RIT2: variants seen among roughly 807,000 people sequenced by gnomAD.
RIT2 encodes the protein Ras like without CAAX 2.
A neutral mutation model predicts 23.7 loss-of-function variants in RIT2; 24 were observed. The ratio of observed to expected loss-of-function variants is 1.01; its 90% CI spans 0.73 to 1.43. The LOEUF is 1.43. Among genes scored for constraint, RIT2 ranks in the 40% most tolerant of loss-of-function variants. The pLI, the probability that RIT2 is intolerant of heterozygous loss-of-function variation, is 0.00. For synonymous variants in RIT2, 107 were observed against 91.1 expected, an observed-to-expected ratio of 1.17 and a Z score of -0.99; for missense variants, 236 against 266.9, an observed-to-expected ratio of 0.88 and a Z score of 0.81.
chr18:43,046,368 A>T (rs1006182752), intron 1 of RIT2, among the ~76,000 whole-genome samples: 2 of 152,246 alleles, frequency 1.3e-5, no homozygotes, highest in Admixed American at 1.3e-4. Context: ...TTGTTGGTCC[A>T]CTAGGCTGGA....
At chr18:42,925,491 CAAT>C (rs963165808) in intron 3 of RIT2, among the ~76,000 whole-genome samples, 11 of 151,732 alleles carry the variant, frequency 7.2e-5, no homozygotes, top group Admixed American at 7.2e-4. Flanking sequence ...ATGATTAAAA[CAAT>C]AATAAAAATG....
intron 4 of RIT2, among the ~76,000 whole-genome samples, chr18:42,905,486 T>G (rs935266876): frequency 6.6e-6 from 1 of 152,170 alleles, no homozygotes; most frequent in Non-Finnish European, 1.5e-5. Flanking sequence ...GTTTGTTTGT[T>G]TTTTGAGACG....
At chr18:43,091,075 A>T (rs1053730210) in intron 1 of RIT2, among the ~76,000 whole-genome samples, 1 of 152,042 alleles carries the variant, frequency 6.6e-6, no homozygotes, top group Non-Finnish European at 1.5e-5. Context: ...AAAATTCTTT[A>T]AATAAATTAG....
intron 3 of RIT2, among the ~76,000 whole-genome samples, chr18:42,939,657 T>A (rs1488984169): frequency 6.6e-6 from 1 of 151,220 alleles, no homozygotes; most frequent in Non-Finnish European, 1.5e-5. Flanking sequence ...AGTCAAAATA[T>A]GCCTATAAAG....
At chr18:42,796,187 T>C (rs991573778) in intron 4 of RIT2, among the ~76,000 whole-genome samples, 1 of 152,056 alleles carries the variant, frequency 6.6e-6, no homozygotes, top group Admixed American at 6.5e-5. Flanking sequence ...ACGGCGAAGG[T>C]CTGCAGCTTC....
chr18:42,884,695 G>T (rs1907976315), intron 4 of RIT2, among the ~76,000 whole-genome samples: 1 of 152,106 alleles, frequency 6.6e-6, no homozygotes, highest in Non-Finnish European at 1.5e-5. Context: ...TTTGTCAGTT[G>T]AGCAAAATGC....
chr18:42,903,536 AT>A (rs1407976688), intron 4 of RIT2, among the ~76,000 whole-genome samples: 1 of 152,114 alleles, frequency 6.6e-6, no homozygotes, highest in Non-Finnish European at 1.5e-5. Context: ...CACAATTTTT[AT>A]GCTATTTAGA....
chr18:42,885,779 G>T (rs1340180852), intron 4 of RIT2, among the ~76,000 whole-genome samples: 1 of 152,102 alleles, frequency 6.6e-6, no homozygotes, highest in Non-Finnish European at 1.5e-5. Flanking sequence ...AGACATTTTT[G>T]AAAGGTTTAA....
chr18:42,789,929 C>T lies in RIT2; in HGVS notation c.427-46209G>A, dbSNP rs113635382. Among the ~76,000 whole-genome samples, 420 of 152,238 alleles carry T rather than the reference C, an allele frequency of 2.8e-3. 5 individuals are homozygous for T. Among genetic ancestry groups the T allele is most frequent in the African/African-American group, 9.7e-3 (402 of 41,564 alleles). On this transcript the variant is annotated intron_variant, in intron 4 of 4. Coordinates refer to ENST00000326695, the MANE Select transcript of RIT2 (RefSeq NM_002930.4). ...TTTAGAGGGAATGCTTTCAACTTTT[C>T]CCATTCAATGTGATAATGGCTATGT...
At chr18:43,102,785 C>T (rs988673699) in intron 1 of RIT2, among the ~76,000 whole-genome samples, 2 of 151,978 alleles carry the variant, frequency 1.3e-5, no homozygotes, top group Admixed American at 6.6e-5. Flanking sequence ...TCCTGAGTAG[C>T]TGGGACTACA....
intron 1 of RIT2, among the ~76,000 whole-genome samples, chr18:43,092,688 A>G (rs145343769): frequency 6.6e-6 from 1 of 152,216 alleles, no homozygotes; most frequent in Non-Finnish European, 1.5e-5. Context: ...ACAGAAGCTC[A>G]GCTTGAAGGC....
chr18:42,831,092 T>C (rs1906444616), intron 4 of RIT2, among the ~76,000 whole-genome samples: 1 of 152,212 alleles, frequency 6.6e-6, no homozygotes, highest in East Asian at 1.9e-4. Flanking sequence ...AAATTACTTT[T>C]GCCTGCTGAG....
chr18:42,890,519 T>G, intron 4 of RIT2, among the ~76,000 whole-genome samples: 2 of 141,660 alleles, frequency 1.4e-5, no homozygotes, highest in Admixed American at 7.1e-5. Flanking sequence ...GAGGAAGAGA[T>G]GGAAGGAAGG....
At chr18:42,840,415 A>G (rs537179523) in intron 4 of RIT2, among the ~76,000 whole-genome samples, 2 of 152,380 alleles carry the variant, frequency 1.3e-5, no homozygotes, top group South Asian at 4.1e-4. Flanking sequence ...CTATATGGCA[A>G]TACTTACTGT....
intron 1 of RIT2, among the ~76,000 whole-genome samples, chr18:43,109,690 A>T (rs1427718806): frequency 3.3e-5 from 5 of 152,192 alleles, no homozygotes; most frequent in African/African-American, 7.2e-5. Flanking sequence ...GTTTTGTATT[A>T]CACATTACAG....
chr18:43,074,923 G>T (rs1194383087), intron 1 of RIT2, among the ~76,000 whole-genome samples: 1 of 152,100 alleles, frequency 6.6e-6, no homozygotes, highest in African/African-American at 2.4e-5. Context: ...GGAGAGCATC[G>T]GGAAAAATAG....
At chr18:42,827,610 T>C (rs981286840) in intron 4 of RIT2, among the ~76,000 whole-genome samples, 4 of 151,926 alleles carry the variant, frequency 2.6e-5, no homozygotes, top group African/African-American at 7.2e-5. Flanking sequence ...AGAAAAATAA[T>C]ATGGCAAAAT....
At chr18:42,877,644 T>C (rs1385759401) in intron 4 of RIT2, among the ~76,000 whole-genome samples, 1 of 151,570 alleles carries the variant, frequency 6.6e-6, no homozygotes, top group Non-Finnish European at 1.5e-5. Context: ...ATATACAGCT[T>C]GAACATCTCT....
intron 1 of RIT2, among the ~76,000 whole-genome samples, chr18:43,066,674 T>C (rs1912777586): frequency 6.6e-6 from 1 of 151,998 alleles, no homozygotes; most frequent in South Asian, 2.1e-4. Context: ...GGAGATTCAA[T>C]GGTAGAGAAA....
Sources: gnomAD v4.1 joint callset for allele counts (sites outside exome capture counted in the v4.1 genomes callset) on GRCh38, gnomAD v4.1.1 for gene constraint, MANE v1.5 for transcripts, NCBI Gene and HGNC (gene_info 2026-07-23, HGNC 2026-07-21) for gene names.